Variants in TMEFF1 observed in about 807,000 individuals in gnomAD.
TMEFF1 encodes the protein transmembrane protein with EGF like and two follistatin like domains 1.
TMEFF1 carries 20 observed loss-of-function variants against 47.5 expected under a neutral mutation model. The ratio of observed to expected loss-of-function variants is 0.42; its 90% CI spans 0.30 to 0.61. TMEFF1 has a LOEUF of 0.61. Ranked by LOEUF, TMEFF1 falls within the 20% of genes least tolerant of loss-of-function variation. TMEFF1 has a pLI of 0.19. For missense variants in TMEFF1, 411 were observed against 471.1 expected, an observed-to-expected ratio of 0.87 and a Z score of 1.18; for synonymous variants, 162 against 166.3, an observed-to-expected ratio of 0.97 and a Z score of 0.20.
chr9:100,501,156 G>A (rs7033969), intron 2 of TMEFF1, among the ~76,000 whole-genome samples: 17,965 of 152,194 alleles, frequency 0.12, 1,186 homozygotes, highest in Middle Eastern at 0.18. Context: ...GTCATCCTGT[G>A]TGGGGAAGAC....
chr9:100,576,814 G>T lies in TMEFF1; in HGVS notation c.*214G>T. ...ATACAGAAATTGCTTTCACAAATTT[G>T]TACCACATGGTAATTCTAAGACTTG... On this transcript the variant is annotated 3_prime_UTR_variant, in exon 10 of 10. Coordinates refer to ENST00000374879, the MANE Select transcript of TMEFF1 (RefSeq NM_003692.5). The T allele has an allele frequency of 2.2e-6, 1 of 452,558 alleles. No homozygotes were observed. The highest frequency in any genetic ancestry group is 3.7e-5 in the East Asian group (1 of 26,812). The allele number at this position is 452,558 out of a possible 1,614,324, so 28.0% of individuals were successfully genotyped here. A position where few individuals can be genotyped will look rare whatever the true frequency, so the allele number is the denominator to read the frequency against.
At chr9:100,554,781 A>G (rs967316008) in intron 7 of TMEFF1, among the ~76,000 whole-genome samples, 1 of 151,926 alleles carries the variant, frequency 6.6e-6, no homozygotes, top group Non-Finnish European at 1.5e-5. Flanking sequence ...GCAGGGTAGT[A>G]TAGGGGAAGC....
chr9:100,516,750 A>T lies in TMEFF1; in HGVS notation c.539A>T (p.Asp180Val). 1 of 1,613,294 alleles carries T rather than the reference A, an allele frequency of 6.2e-7. No individual in the cohort carries two copies. The highest frequency in any genetic ancestry group is 8.5e-7 in the Non-Finnish European group (1 of 1,179,770). Residue 180 changes from aspartate to valine, a missense_variant, in exon 5 of 10, where the codon GAT (aspartate) becomes GTT (valine). Coordinates refer to ENST00000374879, the MANE Select transcript of TMEFF1 (RefSeq NM_003692.5). ...CCCTGCAAATATAAAGCTGAGTGTG[A>T]TGAAGATGCAGAAAATGTTGGGTGA... ...CGPCKYKAEC[D>V]EDAENVGCVC...
At chr9:100,524,765 T>G (rs1029806111) in intron 5 of TMEFF1, among the ~76,000 whole-genome samples, 4 of 152,294 alleles carry the variant, frequency 2.6e-5, no homozygotes, top group Middle Eastern at 3.4e-3. Flanking sequence ...TTTATTATAC[T>G]TTAAGTTCTG....
intron 2 of TMEFF1, among the ~76,000 whole-genome samples, chr9:100,504,043 A>G (rs540501172): frequency 6.6e-6 from 1 of 152,352 alleles, no homozygotes; most frequent in Admixed American, 6.5e-5. Flanking sequence ...ATGCAGTTCC[A>G]GAGTCGTACA....
intron 2 of TMEFF1, among the ~76,000 whole-genome samples, chr9:100,500,562 A>G (rs890429248): frequency 6.6e-6 from 1 of 151,858 alleles, no homozygotes; most frequent in Admixed American, 6.6e-5. Context: ...TAGATTTTTT[A>G]TGTTTAGAAT....
chr9:100,475,345 T>C (rs1837202942), intron 1 of TMEFF1, among the ~76,000 whole-genome samples: 1 of 152,214 alleles, frequency 6.6e-6, no homozygotes, highest in Admixed American at 6.5e-5. Context: ...GGCATGTCCA[T>C]TAAAAGCATT....
chr9:100,526,840 G>A (rs967841104), intron 5 of TMEFF1, among the ~76,000 whole-genome samples: 1 of 150,912 alleles, frequency 6.6e-6, no homozygotes, highest in Non-Finnish European at 1.5e-5. Flanking sequence ...TTTTGGCCGG[G>A]CATGGTGCAC....
intron 9 of TMEFF1, among the ~76,000 whole-genome samples, chr9:100,574,902 C>T (rs943502146): frequency 2.6e-5 from 4 of 152,154 alleles, no homozygotes; most frequent in African/African-American, 9.7e-5. Flanking sequence ...TAGGTACCCT[C>T]TAGTTTATAC....
chr9:100,496,591 A>G (rs1837653722), intron 1 of TMEFF1, among the ~76,000 whole-genome samples: 1 of 152,168 alleles, frequency 6.6e-6, no homozygotes, highest in Non-Finnish European at 1.5e-5. Flanking sequence ...TATTCCCCTA[A>G]AGTATTCTGT....
chr9:100,574,635 G>A (rs949335186), intron 9 of TMEFF1, among the ~76,000 whole-genome samples: 1 of 151,988 alleles, frequency 6.6e-6, no homozygotes, highest in East Asian at 1.9e-4. Flanking sequence ...CCTCGGTCTC[G>A]CAAAGTGCTG....
intron 2 of TMEFF1, among the ~76,000 whole-genome samples, chr9:100,504,581 G>A (rs1199549429): frequency 6.6e-6 from 1 of 152,192 alleles, no homozygotes; most frequent in Non-Finnish European, 1.5e-5. Flanking sequence ...ATGTACCATG[G>A]TCAGATAGAA....
intron 5 of TMEFF1, among the ~76,000 whole-genome samples, chr9:100,538,475 T>G (rs1838562674): frequency 6.6e-6 from 1 of 152,218 alleles, no homozygotes; most frequent in Non-Finnish European, 1.5e-5. Flanking sequence ...CCTGAGGATA[T>G]GGAAGGCAGA....
intron 1 of TMEFF1, among the ~76,000 whole-genome samples, chr9:100,474,205 A>G (rs1367150137): frequency 1.4e-5 from 2 of 139,000 alleles, no homozygotes; most frequent in South Asian, 4.6e-4. Context: ...GGGAGTGACC[A>G]TGTGCTGATG....
At chr9:100,536,733 TAACTGTAATGTATATG>T (rs1001446715) in intron 5 of TMEFF1, among the ~76,000 whole-genome samples, 10 of 152,204 alleles carry the variant, frequency 6.6e-5, no homozygotes, top group Non-Finnish European at 1.3e-4. Flanking sequence ...GGCTGAGCCT[TAACTGTAATGTATATG>T]AATCTAAGCA....
At chr9:100,560,489 T>A (rs1838995841) in intron 7 of TMEFF1, among the ~76,000 whole-genome samples, 1 of 152,102 alleles carries the variant, frequency 6.6e-6, no homozygotes, top group African/African-American at 2.4e-5. Context: ...TATTGGTGCA[T>A]ATACCAAAAA....
intron 8 of TMEFF1, among the ~76,000 whole-genome samples, chr9:100,572,302 A>T (rs907752172): frequency 1.3e-5 from 2 of 152,218 alleles, no homozygotes; most frequent in Non-Finnish European, 2.9e-5. Flanking sequence ...CTTTAAAATT[A>T]ATGTGATATA....
intron 5 of TMEFF1, among the ~76,000 whole-genome samples, chr9:100,527,323 AG>A (rs1268428118): frequency 6.6e-6 from 1 of 152,146 alleles, no homozygotes; most frequent in African/African-American, 2.4e-5. Context: ...TTTCCATCTG[AG>A]GTACCAGGTT....
At chr9:100,523,214 T>G (rs561646952) in intron 5 of TMEFF1, among the ~76,000 whole-genome samples, 13 of 152,198 alleles carry the variant, frequency 8.5e-5, no homozygotes, top group Non-Finnish European at 1.8e-4. Context: ...CATTCCTGTT[T>G]ATCAGCTTAT....
Sources: gnomAD v4.1 joint callset for allele counts (sites outside exome capture counted in the v4.1 genomes callset) on GRCh38, gnomAD v4.1.1 for gene constraint, MANE v1.5 for transcripts, NCBI Gene and HGNC (gene_info 2026-07-23, HGNC 2026-07-21) for gene names.